PLA2R1: variants seen among roughly 807,000 people sequenced by gnomAD.
The protein encoded by PLA2R1 is phospholipase A2 receptor 1.
PLA2R1 carries 158 observed loss-of-function variants against 195.9 expected under a neutral mutation model. The ratio of observed to expected loss-of-function variants is 0.81; its 90% CI spans 0.71 to 0.92. PLA2R1 has a LOEUF of 0.92. Among genes scored for constraint, PLA2R1 ranks in the 40% least tolerant of loss-of-function variants. The pLI, the probability that PLA2R1 is intolerant of heterozygous loss-of-function variation, is 0.00. For missense variants in PLA2R1, 1,626 were observed against 1,764.6 expected (o/e 0.92, Z 1.41); for synonymous variants, 586 against 598.2 (o/e 0.98, Z 0.30).
Position 159,967,630 on chromosome 2 carries a change from TTACAGATA to T in PLA2R1, c.2805_2812del (p.Ser935ArgfsTer29). 3.1e-6 allele frequency: 5 copies of T among 1,613,754 alleles called. No individual in the cohort carries two copies. Among genetic ancestry groups the T allele is most frequent in the Non-Finnish European group, 4.2e-6 (5 of 1,179,714 alleles). ...CTCTATGAGCCAAACCTTTTTTCGC[TTACAGATA>T]CTAGGCATAGAAACTGAACACTCTT... On this transcript the variant is annotated frameshift_variant, in exon 20 of 30. Transcript: ENST00000283243. LOFTEE classifies it high-confidence loss of function.
At chr2:159,927,356 C>T (rs1405979151), downstream of PLA2R1, among the ~76,000 whole-genome samples, 2 of 152,120 alleles carry the variant, frequency 1.3e-5, no homozygotes, top group East Asian at 3.8e-4. Context: ...AGGTTGGATG[C>T]AAATCACTAG....
chr2:159,931,680 C>T (rs2125899727), downstream of PLA2R1, among the ~76,000 whole-genome samples: 1 of 152,272 alleles, frequency 6.6e-6, no homozygotes, highest in South Asian at 2.1e-4. Flanking sequence ...GTACTACAGG[C>T]ATGCACCACC....
In PLA2R1 at chr2:159,979,849, T is replaced by C; in HGVS notation, c.2249A>G (p.Glu750Gly). ...ACTTACAGGAGTTCTATCAGACCACTCCCATGAGCCGGCATTCAGTGGGTT... is the reference window on the plus strand; with the variant it reads ...ACTTACAGGAGTTCTATCAGACCACCCCCATGAGCCGGCATTCAGTGGGTT... ...KRNPLNAGSWEWSDRTPVVSS... is the reference protein window; with the variant it reads ...KRNPLNAGSWGWSDRTPVVSS... The change falls in exon 14 of 30, where the codon GAG becomes GGG. Residue 750 changes from glutamate to glycine, a missense_variant. Physicochemically the swap from Glu to Gly is moderately conservative, Grantham distance 98 (BLOSUM62 -2). Transcript: ENST00000283243. 1 of 1,600,816 alleles carries C rather than the reference T, an allele frequency of 6.2e-7. No homozygotes were observed.
intron 8 of PLA2R1, among the ~76,000 whole-genome samples, chr2:160,018,898 A>G (rs886661265): frequency 7.2e-5 from 11 of 152,386 alleles, no homozygotes; most frequent in African/African-American, 2.6e-4. Context: ...GTCAAGCCAC[A>G]TCAGTAACAT....
intron 28 of PLA2R1, 82 bp downstream of exon 28, chr2:159,944,823 TA>T: frequency 1.9e-6 from 2 of 1,064,232 alleles, no homozygotes; most frequent in Non-Finnish European, 2.8e-6. Flanking sequence ...ACTTGGATTT[TA>T]AAACCTTTAA....
chr2:159,985,980 T>C (rs975388763), intron 12 of PLA2R1, among the ~76,000 whole-genome samples: 8 of 152,196 alleles, frequency 5.3e-5, no homozygotes, highest in African/African-American at 1.9e-4. Flanking sequence ...GCACCTGGGA[T>C]ATAAAACCCC....
At chr2:159,957,087 C>T (rs1395394975) in intron 20 of PLA2R1, among the ~76,000 whole-genome samples, 1 of 152,092 alleles carries the variant, frequency 6.6e-6, no homozygotes, top group African/African-American at 2.4e-5. Context: ...GAGTCAAACA[C>T]ATCAGGTGTT....
downstream of PLA2R1, among the ~76,000 whole-genome samples, chr2:159,927,399 A>T (rs1213197833): frequency 6.6e-6 from 1 of 152,224 alleles, no homozygotes. Context: ...CTCTAGAAAC[A>T]TGGAGCAAAA....
intron 10 of PLA2R1, among the ~76,000 whole-genome samples, chr2:160,010,770 T>C (rs1042874873): frequency 6.6e-6 from 1 of 152,362 alleles, no homozygotes; most frequent in East Asian, 1.9e-4. Context: ...GTTTCTTCCC[T>C]GATGGACTCT....
At chr2:159,995,808 G>A (rs1573851748) in intron 11 of PLA2R1, among the ~76,000 whole-genome samples, 1 of 119,506 alleles carries the variant, frequency 8.4e-6, no homozygotes, top group Admixed American at 7.6e-5. Flanking sequence ...GCAAAATACA[G>A]AGAGTTCCCC....
intron 13 of PLA2R1, among the ~76,000 whole-genome samples, chr2:159,980,632 T>G (rs1247189244): frequency 6.6e-6 from 1 of 152,176 alleles, no homozygotes; most frequent in Non-Finnish European, 1.5e-5. Flanking sequence ...TGGTTTATAC[T>G]TGGTGAGAAG....
chr2:160,005,505 A>G, intron 11 of PLA2R1, 147 bp downstream of exon 11: 1 of 578,124 alleles, frequency 1.7e-6, no homozygotes, highest in Non-Finnish European at 3.0e-6. Context: ...GCCATATGTC[A>G]CCCCCTGTTA....
intron 3 of PLA2R1, among the ~76,000 whole-genome samples, chr2:160,038,314 T>TAAACTTTAACAGTTAAAGCACC (rs1694298033): frequency 1.3e-5 from 2 of 152,220 alleles, no homozygotes; most frequent in African/African-American, 4.8e-5. Flanking sequence ...ACCTAGAAGT[T>TAAACTTTAACAGTTAAAGCACC]TGTTAAAACA....
intron 9 of PLA2R1, among the ~76,000 whole-genome samples, chr2:160,014,049 A>G (rs1203242936): frequency 6.6e-6 from 1 of 152,022 alleles, no homozygotes; most frequent in Non-Finnish European, 1.5e-5. Context: ...ATTTTTTTCA[A>G]CTTTCATATT....
In PLA2R1 at chr2:159,932,256, GT is replaced by G. The variant is rs1268056892; in HGVS notation, c.*9521del. ...GCTTCGTTCACGCACTGTCTGTTTG[GT>G]AGTGTGCAGAGATGGTTTTCTTTTG... On this transcript the variant is annotated 3_prime_UTR_variant, in exon 30 of 30. Transcript: ENST00000283243. 1 of 152,242 alleles carries G rather than the reference GT, an allele frequency of 6.6e-6. No homozygotes were observed. Among genetic ancestry groups the G allele is most frequent in the Non-Finnish European group, 1.5e-5 (1 of 68,080 alleles). 9.4% of individuals were successfully genotyped at this position (152,242 alleles called of 1,614,324 possible).
At chr2:160,018,113 G>A (rs1421417238) in intron 8 of PLA2R1, among the ~76,000 whole-genome samples, 1 of 151,982 alleles carries the variant, frequency 6.6e-6, no homozygotes, top group Non-Finnish European at 1.5e-5. Context: ...TACTATTTAA[G>A]GAGCTTCTGA....
chr2:159,976,793 T>C, intron 15 of PLA2R1, 73 bp from the exon 16 acceptor site: 1 of 1,074,514 alleles, frequency 9.3e-7, no homozygotes, highest in Non-Finnish European at 1.4e-6. Context: ...ACTTCAGCTC[T>C]AAACACACTA....
chr2:160,039,999 C>T (rs1285357924), intron 3 of PLA2R1, among the ~76,000 whole-genome samples: 1 of 151,536 alleles, frequency 6.6e-6, no homozygotes, highest in African/African-American at 2.4e-5. Context: ...TACGTGTTAA[C>T]TTTATTAGTA....
intron 10 of PLA2R1, among the ~76,000 whole-genome samples, chr2:160,009,162 T>A (rs1692188748): frequency 6.6e-6 from 1 of 152,194 alleles, no homozygotes; most frequent in Non-Finnish European, 1.5e-5. Context: ...CCTTAAAAAA[T>A]TTAAAATCAA....
Sources: allele counts gnomAD v4.1 joint callset (sites outside exome capture counted in the v4.1 genomes callset), GRCh38; gene constraint gnomAD v4.1.1; transcripts MANE v1.5; gene names NCBI Gene and HGNC (gene_info 2026-07-23, HGNC 2026-07-21).